SENP2: variants seen among roughly 807,000 people sequenced by gnomAD.
SENP2 encodes the protein SUMO specific peptidase 2.
SENP2 carries 16 observed loss-of-function variants against 86.3 expected under a neutral mutation model. That is an observed-to-expected ratio of 0.19 (90% CI 0.13 to 0.28). SENP2 has a LOEUF of 0.28. Among genes scored for constraint, SENP2 ranks in the 10% least tolerant of loss-of-function variants. The pLI, the probability that SENP2 is intolerant of heterozygous loss-of-function variation, is 1.00. For missense variants in SENP2, 552 were observed against 703.0 expected (o/e 0.79, Z 2.43); for synonymous variants, 222 against 238.7 (o/e 0.93, Z 0.64).
intron 2 of SENP2, among the ~76,000 whole-genome samples, chr3:185,597,015 A>C (rs2148982854): frequency 6.6e-6 from 1 of 152,216 alleles, no homozygotes; most frequent in East Asian, 1.9e-4. Flanking sequence ...CACTGAGCCC[A>C]GCTAATTTTT....
At chr3:185,608,365 G>C (rs1349818501) in intron 6 of SENP2, among the ~76,000 whole-genome samples, 1 of 152,180 alleles carries the variant, frequency 6.6e-6, no homozygotes, top group South Asian at 2.1e-4. Context: ...TAGCAAGGAC[G>C]TTATCTGTTG....
At chr3:185,595,312 T>G (rs182138728) in intron 2 of SENP2, among the ~76,000 whole-genome samples, 157 of 152,340 alleles carry the variant, frequency 1.0e-3, no homozygotes, top group African/African-American at 3.7e-3. Flanking sequence ...CATCAATCGC[T>G]AAAGCTCTTC....
rs774780991 is a variant in SENP2 at position 185,613,334 on chromosome 3, T to G, written c.870-11T>G. Reference sequence around the variant, plus strand: ...AGCAGAAGTCTATCATCTCTCAATTTTTTTCCTTAGGTGTTCAAAGGGGAA... The same window carrying G: ...AGCAGAAGTCTATCATCTCTCAATTGTTTTCCTTAGGTGTTCAAAGGGGAA... On this transcript the variant is annotated splice_polypyrimidine_tract_variant and intron_variant, in intron 9 of 16. Coordinates refer to ENST00000296257, the MANE Select transcript of SENP2 (RefSeq NM_021627.3). The G allele has an allele frequency of 6.6e-6, 10 of 1,519,814 alleles. No individual in the cohort carries two copies. The highest frequency in any genetic ancestry group is 1.2e-5 in the South Asian group (1 of 85,870). 94.1% of individuals were successfully genotyped at this position (1,519,814 alleles called of 1,614,324 possible).
At chr3:185,592,103 G>T (rs1249104304) in intron 2 of SENP2, among the ~76,000 whole-genome samples, 3 of 124,964 alleles carry the variant, frequency 2.4e-5, no homozygotes, top group Non-Finnish European at 5.0e-5. Context: ...TAAGAGGCAA[G>T]GGTATCACTG....
Position 185,619,398 on chromosome 3 carries a change from T to G in SENP2, c.1342T>G (p.Ser448Ala). 6.2e-7 allele frequency: 1 copy of G among 1,614,022 alleles called. No homozygotes were observed. Among genetic ancestry groups the G allele is most frequent in the Non-Finnish European group, 8.5e-7 (1 of 1,179,918 alleles). Residue 448 changes from serine to alanine, a missense_variant, in exon 13 of 17, where the codon TCT (serine) becomes GCT (alanine). This residue lies in a region of SENP2 where 169 missense variants were observed against 275.7 expected (regional missense o/e 0.61). Transcript: ENST00000296257. Reference protein sequence around the residue: ...FSTFFYPKLKSGGYQAVKRWT... With the variant: ...FSTFFYPKLKAGGYQAVKRWT... ...TACTTTCTTCTATCCTAAATTAAAG[T>G]CTGGGGGTTACCAAGCAGTGAAACG...
At chr3:185,604,749 A>AT (rs1419234473) in intron 5 of SENP2, among the ~76,000 whole-genome samples, 1 of 149,512 alleles carries the variant, frequency 6.7e-6, no homozygotes, top group East Asian at 2.0e-4. Context: ...GAGTCTGTTT[A>AT]TTTTTTTTCT....
intron 16 of SENP2, 149 bp from the exon 17 acceptor site, chr3:185,629,633 G>A (rs1467931321): frequency 7.2e-6 from 5 of 691,360 alleles, no homozygotes; most frequent in African/African-American, 5.4e-5. Flanking sequence ...TGTTAAAAAT[G>A]GTTTTATAAG....
At chr3:185,623,078 A>G (rs557889910) in intron 14 of SENP2, among the ~76,000 whole-genome samples, 1 of 151,824 alleles carries the variant, frequency 6.6e-6, no homozygotes, top group African/African-American at 2.4e-5. Flanking sequence ...CAGCCTCCCA[A>G]AGTGCTGGGA....
chr3:185,620,102 A>C (rs1711790082), intron 13 of SENP2, among the ~76,000 whole-genome samples: 1 of 146,850 alleles, frequency 6.8e-6, no homozygotes. Context: ...TCATTCTGCC[A>C]CCCAAGCTGG....
Position 185,590,138 on chromosome 3 carries a change from T to C in SENP2, c.126T>C (p.Thr42=). ...SDSTLFSTVD[T]DEIPAKRPRL... ...GCACTCTGTTTTCTACAGTGGACAC[T>C]GATGAAATACCAGCCAAAAGACCAA... The change falls in exon 2 of 17, where the codon ACT becomes ACC. Residue 42 remains threonine (T), a synonymous_variant. Transcript: ENST00000296257. 1 of 1,553,496 alleles carries C rather than the reference T, an allele frequency of 6.4e-7. No individual in the cohort carries two copies. The highest frequency in any genetic ancestry group is 2.3e-5 in the East Asian group (1 of 43,208).
Position 185,614,689 on chromosome 3 carries a change from C to T in SENP2, c.1059C>T (p.Cys353=). The T allele has an allele frequency of 6.2e-7, 1 of 1,614,168 alleles. No homozygotes were observed. Among genetic ancestry groups the T allele is most frequent in the Non-Finnish European group, 8.5e-7 (1 of 1,180,026 alleles). ...TAATTGAGACAAAGGAAAAGAATTG[C>T]TCAGGCAAAGAGAGGGACAGAAGAA... ...VSIIETKEKN[C]SGKERDRRTD... Residue 353 remains cysteine, a synonymous_variant, in exon 11 of 17, where the codon TGC becomes TGT. Transcript: ENST00000296257.
chr3:185,587,099 A>G (rs933150549), intron 1 of SENP2, among the ~76,000 whole-genome samples: 2 of 152,098 alleles, frequency 1.3e-5, no homozygotes, highest in African/African-American at 4.8e-5. Context: ...TTCGGTTAAA[A>G]TTTGGGGGAA....
intron 5 of SENP2, among the ~76,000 whole-genome samples, 170 bp downstream of exon 5, chr3:185,601,025 T>C (rs1479768367): frequency 6.7e-6 from 1 of 149,528 alleles, no homozygotes; most frequent in African/African-American, 2.5e-5. Flanking sequence ...GGGTGTGTTA[T>C]ATTTTCTTTT....
rs1480275312 is a variant in SENP2, at chr3:185,612,588, T to C, written c.818-19T>C. ...ATCGATGAAGGAAACATTTAATCTTTTCTTTACCATCCTCACAGATAGACT... is the reference window on the plus strand; with the variant it reads ...ATCGATGAAGGAAACATTTAATCTTCTCTTTACCATCCTCACAGATAGACT... On this transcript the variant is annotated intron_variant, in intron 8 of 16. Coordinates refer to ENST00000296257, the MANE Select transcript of SENP2 (RefSeq NM_021627.3). 1.9e-6 allele frequency: 3 copies of C among 1,585,204 alleles called. No individual in the cohort carries two copies. The highest frequency in any genetic ancestry group is 8.7e-7 in the Non-Finnish European group (1 of 1,155,344).
intron 12 of SENP2, 32 bp from the exon 13 acceptor site, chr3:185,619,267 G>A: frequency 6.7e-7 from 1 of 1,487,424 alleles, no homozygotes; most frequent in Non-Finnish European, 9.4e-7. Flanking sequence ...TGTTTGCCAT[G>A]TTCCAGCTTT....
chr3:185,612,833 T>G (rs986201278), intron 9 of SENP2, among the ~76,000 whole-genome samples, 175 bp downstream of exon 9: 87 of 152,250 alleles, frequency 5.7e-4, no homozygotes, highest in African/African-American at 2.1e-3. Flanking sequence ...CACCCTAGCC[T>G]GGTGGGTTGA....
chr3:185,606,947 G>T, intron 6 of SENP2: 2 of 306,594 alleles, frequency 6.5e-6, no homozygotes, highest in South Asian at 6.3e-5. Flanking sequence ...ATTTTTGGGA[G>T]CAAATAATAT....
chr3:185,593,650 C>T (rs892187917), intron 2 of SENP2, among the ~76,000 whole-genome samples: 3 of 151,896 alleles, frequency 2.0e-5, no homozygotes, highest in African/African-American at 7.3e-5. Flanking sequence ...AGTATATCTT[C>T]AATACTTGTC....
intron 12 of SENP2, 34 bp downstream of exon 12, chr3:185,617,645 T>C: frequency 6.3e-7 from 1 of 1,588,266 alleles, no homozygotes; most frequent in Non-Finnish European, 8.6e-7. Flanking sequence ...TTGGCTATCA[T>C]TAAGTTTATT....
Sources: gnomAD v4.1 joint callset for allele counts (sites outside exome capture counted in the v4.1 genomes callset) on GRCh38, gnomAD v4.1.1 for gene constraint, gnomAD v4.1.1 regional missense constraint, MANE v1.5 for transcripts, NCBI Gene and HGNC (gene_info 2026-07-23, HGNC 2026-07-21) for gene names.